Variants in GALNT2 observed in about 807,000 individuals in gnomAD.
The protein encoded by GALNT2 is UDP-GalNAc:polypeptide N-acetylgalactosaminyltransferase 2.
GALNT2 carries 31 observed loss-of-function variants against 81.4 expected under a neutral mutation model. That is an observed-to-expected ratio of 0.38 (90% CI 0.29 to 0.51). The LOEUF (loss-of-function observed/expected upper bound fraction) is 0.51. Ranked by LOEUF, GALNT2 falls within the 20% of genes least tolerant of loss-of-function variation. The pLI is 0.87. For synonymous variants in GALNT2, 303 were observed against 287.4 expected, an observed-to-expected ratio of 1.05 and a Z score of -0.55; for missense variants, 629 against 765.7, an observed-to-expected ratio of 0.82 and a Z score of 2.11.
chr1:230,212,099 T>C (rs907811975), intron 3 of GALNT2, among the ~76,000 whole-genome samples: 1 of 152,202 alleles, frequency 6.6e-6, no homozygotes, highest in Non-Finnish European at 1.5e-5. Flanking sequence ...TACTAAGCCA[T>C]GAAGTTTTAT....
chr1:230,249,047 C>G, intron 8 of GALNT2, 137 bp from the exon 9 acceptor site: 1 of 809,416 alleles, frequency 1.2e-6, no homozygotes, highest in East Asian at 2.6e-5. Context: ...CTCCTCCACA[C>G]CTTCTTTTTT....
At chr1:230,156,225 GAGAGAGAA>G (rs1397197788) in intron 1 of GALNT2, among the ~76,000 whole-genome samples, 2 of 142,100 alleles carry the variant, frequency 1.4e-5, no homozygotes, top group Non-Finnish European at 3.1e-5. Context: ...GAGAGAGAGA[GAGAGAGAA>G]AGAGAGAGAG....
intron 6 of GALNT2, among the ~76,000 whole-genome samples, chr1:230,238,609 G>A (rs1161134868): frequency 6.6e-6 from 1 of 152,130 alleles, no homozygotes; most frequent in East Asian, 1.9e-4. Context: ...CTTTTTCTCT[G>A]CATTTGTGGA....
intron 2 of GALNT2, among the ~76,000 whole-genome samples, chr1:230,198,550 A>C (rs1420912668): frequency 6.6e-6 from 1 of 151,998 alleles, no homozygotes; most frequent in Admixed American, 6.6e-5. Context: ...TTGTGGGCCC[A>C]GTGCTTCTCA....
At chr1:230,216,451 A>T (rs1664392111) in intron 3 of GALNT2, among the ~76,000 whole-genome samples, 1 of 152,202 alleles carries the variant, frequency 6.6e-6, no homozygotes. Context: ...CTGACAATTC[A>T]CATATACTTT....
chr1:230,236,231 A>G, intron 4 of GALNT2, 119 bp downstream of exon 4: 1 of 1,342,156 alleles, frequency 7.5e-7, no homozygotes. Context: ...TGCTCAGCAC[A>G]GGGTGCAGTG....
At chr1:230,124,994 C>T (rs1445910838) in intron 1 of GALNT2, among the ~76,000 whole-genome samples, 1 of 152,150 alleles carries the variant, frequency 6.6e-6, no homozygotes, top group African/African-American at 2.4e-5. Context: ...TCTCTTCCAC[C>T]AAACAGCCTA....
At chr1:230,262,471 C>A in intron 11 of GALNT2, 102 bp from the exon 12 acceptor site, 1 of 966,938 alleles carries the variant, frequency 1.0e-6, no homozygotes, top group Non-Finnish European at 1.6e-6. Context: ...TGCTGCACAC[C>A]CAGAGGGAGC....
chr1:230,187,636 G>T (rs1663377390), intron 2 of GALNT2, among the ~76,000 whole-genome samples: 1 of 152,186 alleles, frequency 6.6e-6, no homozygotes. Context: ...CACCCTCTTG[G>T]TACCTGAATT....
intron 1 of GALNT2, among the ~76,000 whole-genome samples, chr1:230,082,408 C>CT (rs1056802127): frequency 3.0e-4 from 45 of 152,326 alleles, no homozygotes; most frequent in Admixed American, 6.5e-4. Context: ...AGGTGTCTGG[C>CT]TTTAAGCCCT....
At chr1:230,218,444 G>A (rs546265009) in intron 3 of GALNT2, among the ~76,000 whole-genome samples, 54 of 152,184 alleles carry the variant, frequency 3.5e-4, no homozygotes, top group Admixed American at 7.2e-4. Context: ...TAAGTTAAGG[G>A]TGATGATAAT....
chr1:230,199,237 A>T (rs1663807855), intron 2 of GALNT2, among the ~76,000 whole-genome samples: 1 of 151,922 alleles, frequency 6.6e-6, no homozygotes, highest in Non-Finnish European at 1.5e-5. Flanking sequence ...CTAACCTCTG[A>T]CTCATACCCT....
chr1:230,187,987 G>T (rs370534978), intron 2 of GALNT2, among the ~76,000 whole-genome samples: 2 of 152,120 alleles, frequency 1.3e-5, no homozygotes, highest in African/African-American at 2.4e-5. Flanking sequence ...GGCAACATTC[G>T]GGCAGGAAAA....
chr1:230,203,003 G>A (rs1342924684), intron 2 of GALNT2, 134 bp from the exon 3 acceptor site: 1 of 940,326 alleles, frequency 1.1e-6, no homozygotes, highest in African/African-American at 1.6e-5. Flanking sequence ...TTTTCAGCTA[G>A]TTTGTTGTTT....
At chr1:230,087,208 C>T (rs1161007373) in intron 1 of GALNT2, among the ~76,000 whole-genome samples, 1 of 152,208 alleles carries the variant, frequency 6.6e-6, no homozygotes, top group African/African-American at 2.4e-5. Flanking sequence ...ACACTCTCCC[C>T]ATAGGGAAGG....
intron 10 of GALNT2, among the ~76,000 whole-genome samples, chr1:230,251,046 T>G (rs1236985202): frequency 6.6e-6 from 1 of 152,214 alleles, no homozygotes; most frequent in African/African-American, 2.4e-5. Context: ...TTCTGTTTGT[T>G]TGTTTTTTTG....
intron 1 of GALNT2, among the ~76,000 whole-genome samples, chr1:230,095,013 G>A (rs1300373891): frequency 5.3e-5 from 8 of 152,164 alleles, no homozygotes; most frequent in Non-Finnish European, 1.2e-4. Context: ...CACGGTCACA[G>A]GACTGTCACT....
intron 3 of GALNT2, among the ~76,000 whole-genome samples, chr1:230,217,719 G>A (rs1222029894): frequency 6.6e-6 from 1 of 152,218 alleles, no homozygotes; most frequent in East Asian, 1.9e-4. Context: ...GCCAAGAACA[G>A]TGGATCTTCC....
At chr1:230,173,545 C>T (rs1662864994) in intron 1 of GALNT2, among the ~76,000 whole-genome samples, 1 of 152,324 alleles carries the variant, frequency 6.6e-6, no homozygotes, top group Non-Finnish European at 1.5e-5. Context: ...TACAAGATCA[C>T]AGGCTTTGAA....
Sources: gnomAD v4.1 joint callset for allele counts (sites outside exome capture counted in the v4.1 genomes callset) on GRCh38, gnomAD v4.1.1 for gene constraint, MANE v1.5 for transcripts, NCBI Gene and HGNC (gene_info 2026-07-23, HGNC 2026-07-21) for gene names.